PTPRD: variants seen among roughly 807,000 people sequenced by gnomAD.
PTPRD encodes protein tyrosine phosphatase receptor type D.
Under a neutral mutation model 214.5 loss-of-function variants are expected in PTPRD, and 34 were observed. The ratio of observed to expected loss-of-function variants is 0.16; its 90% CI spans 0.12 to 0.21. The LOEUF (loss-of-function observed/expected upper bound fraction) is 0.21. PTPRD is among the 10% of genes least tolerant of loss of function. The pLI is 1.00. For missense variants in PTPRD, 2,545 were observed against 2,398.7 expected, an observed-to-expected ratio of 1.06 and a Z score of -1.27; for synonymous variants, 1,128 against 845.7, an observed-to-expected ratio of 1.33 and a Z score of -5.79.
At chr9:9,599,614 G>A (rs865967111) in intron 7 of PTPRD, among the ~76,000 whole-genome samples, 2 of 151,742 alleles carry the variant, frequency 1.3e-5, no homozygotes, top group Non-Finnish European at 2.9e-5. Flanking sequence ...GTTTCATTCT[G>A]AGTAATTTCC....
intron 12 of PTPRD, among the ~76,000 whole-genome samples, chr9:8,729,865 C>A (rs564595104): frequency 6.6e-6 from 1 of 152,216 alleles, no homozygotes; most frequent in Non-Finnish European, 1.5e-5. Context: ...TCAGTCTATG[C>A]TCTAATGTCA....
At chr9:9,063,729 T>C (rs922473103) in intron 10 of PTPRD, among the ~76,000 whole-genome samples, 6 of 152,176 alleles carry the variant, frequency 3.9e-5, no homozygotes, top group African/African-American at 1.4e-4. Flanking sequence ...AAAAGAAAGA[T>C]GTTTAATGAA....
chr9:9,933,062 C>G (rs575015268), intron 5 of PTPRD, among the ~76,000 whole-genome samples: 227 of 152,044 alleles, frequency 1.5e-3, no homozygotes, highest in African/African-American at 4.1e-3. Flanking sequence ...TGCCCTAAAA[C>G]AGCTCCTGAA....
chr9:9,315,805 T>C (rs1962543038), intron 9 of PTPRD, among the ~76,000 whole-genome samples: 1 of 148,650 alleles, frequency 6.7e-6, no homozygotes, highest in Non-Finnish European at 1.5e-5. Flanking sequence ...TTGCTTCATA[T>C]AATTTTCTGT....
chr9:10,416,878 G>A (rs2098495704), intron 2 of PTPRD, among the ~76,000 whole-genome samples: 1 of 151,814 alleles, frequency 6.6e-6, no homozygotes, highest in African/African-American at 2.4e-5. Flanking sequence ...AGAGTTCTGA[G>A]GTGAGGGTTC....
chr9:10,097,867 C>A (rs1244107303), intron 3 of PTPRD, among the ~76,000 whole-genome samples: 1 of 151,510 alleles, frequency 6.6e-6, no homozygotes, highest in East Asian at 2.0e-4. Context: ...ATGATATTGG[C>A]TGTAGGAACA....
intron 2 of PTPRD, among the ~76,000 whole-genome samples, chr9:10,455,211 C>T (rs76102268): frequency 0.012 from 1,834 of 151,734 alleles, 33 homozygotes; most frequent in African/African-American, 0.04. Context: ...GCACTGCTGA[C>T]GAGAGCTTTC....
chr9:10,325,672 TAGC>T (rs2096630532), intron 3 of PTPRD, among the ~76,000 whole-genome samples: 1 of 151,958 alleles, frequency 6.6e-6, no homozygotes, highest in South Asian at 2.1e-4. Context: ...TACCAAACAA[TAGC>T]TACACCTTTC....
At chr9:9,216,784 T>C (rs1416218648) in intron 9 of PTPRD, among the ~76,000 whole-genome samples, 1 of 152,146 alleles carries the variant, frequency 6.6e-6, no homozygotes, top group Admixed American at 6.6e-5. Context: ...AGGGTTATTA[T>C]AGACATTGAT....
intron 4 of PTPRD, among the ~76,000 whole-genome samples, chr9:9,949,659 T>A (rs2093231453): frequency 1.3e-5 from 2 of 152,106 alleles, no homozygotes; most frequent in South Asian, 4.1e-4. Flanking sequence ...CTCTACACTT[T>A]CATTGGAAAC....
Position 10,127,546 on chromosome 9 carries a change from C to T in PTPRD, c.-544-93756G>A, listed in dbSNP as rs189602536. The stretch of plus-strand genomic sequence containing the variant: ...AATCCCAATGTATTAGTTTAATGAA[C>T]TTGGACAAGTAGGACACAACTTGGA... On this transcript the variant is annotated intron_variant, in intron 3 of 45. Coordinates refer to ENST00000381196, the MANE Select transcript of PTPRD (RefSeq NM_002839.4). Among the ~76,000 whole-genome samples, 376 of 152,140 alleles carry T rather than the reference C, an allele frequency of 2.5e-3. 1 individual carries two copies. Among genetic ancestry groups the T allele is most frequent in the Non-Finnish European group, 3.9e-3 (268 of 68,000 alleles).
chr9:9,198,849 C>G lies in PTPRD; in HGVS notation c.-202-15486G>C, dbSNP rs1032344836. ...CTTCAAATAAGAAGAGGTAGATGAA[C>G]AGAACTTCTTAATTGGCTCCTACAT... is the stretch of plus-strand genomic sequence containing the variant. On this transcript the variant is annotated intron_variant, in intron 9 of 45. Coordinates refer to ENST00000381196, the MANE Select transcript of PTPRD (RefSeq NM_002839.4). Among the ~76,000 whole-genome samples the G allele has an allele frequency of 2.6e-5, 4 of 152,150 alleles. No homozygotes were observed. The South Asian group carries it at 8.3e-4, about 32-fold the overall frequency.
At chr9:8,944,993 C>T (rs920875841) in intron 11 of PTPRD, among the ~76,000 whole-genome samples, 1 of 151,906 alleles carries the variant, frequency 6.6e-6, no homozygotes, top group East Asian at 1.9e-4. Context: ...CATTGTATAC[C>T]TCTCAAAATA....
intron 4 of PTPRD, among the ~76,000 whole-genome samples, chr9:9,994,361 T>C (rs1241258370): frequency 6.6e-6 from 1 of 152,234 alleles, no homozygotes; most frequent in Non-Finnish European, 1.5e-5. Context: ...AGCACCAATG[T>C]ACTTTATTAC....
chr9:9,692,566 C>A lies in PTPRD; in HGVS notation c.-287+41967G>T, dbSNP rs555146173. 2.8e-4 allele frequency among the ~76,000 whole-genome samples: 43 copies of A among 151,520 alleles called. 1 individual carries two copies. The highest frequency in any genetic ancestry group is 9.7e-4 in the African/African-American group (40 of 41,326). ...AATTTGAAAGCAAGTAATGTGATTT[C>A]TTCAGTTTTGTTCTTTTTGCTCAGC... On this transcript the variant is annotated intron_variant, in intron 7 of 45. Coordinates refer to ENST00000381196, the MANE Select transcript of PTPRD (RefSeq NM_002839.4).
At chr9:9,454,722 C>T (rs892335677) in intron 8 of PTPRD, among the ~76,000 whole-genome samples, 7 of 151,542 alleles carry the variant, frequency 4.6e-5, no homozygotes, top group African/African-American at 1.7e-4. Context: ...TTGCATTACA[C>T]ATACTGTAAA....
chr9:8,547,587 G>A (rs944869285), intron 14 of PTPRD, among the ~76,000 whole-genome samples: 4 of 150,272 alleles, frequency 2.7e-5, no homozygotes, highest in African/African-American at 9.8e-5. Context: ...AGGCTACAGT[G>A]AGCCGTGTTC....
intron 9 of PTPRD, among the ~76,000 whole-genome samples, chr9:9,349,509 C>G (rs886452068): frequency 2.0e-5 from 3 of 151,892 alleles, no homozygotes; most frequent in African/African-American, 7.3e-5. Context: ...ACATTTTAGA[C>G]TTTGGAATCC....
chr9:9,639,001 C>G, intron 7 of PTPRD, among the ~76,000 whole-genome samples: 1 of 152,150 alleles, frequency 6.6e-6, no homozygotes, highest in East Asian at 1.9e-4. Context: ...CACCAAAACA[C>G]CTCCCAAAAG....
Sources: allele counts gnomAD v4.1 joint callset (sites outside exome capture counted in the v4.1 genomes callset), GRCh38; gene constraint gnomAD v4.1.1; transcripts MANE v1.5; gene names NCBI Gene and HGNC (gene_info 2026-07-23, HGNC 2026-07-21).